Variants in GFRAL observed in about 807,000 individuals in gnomAD.
GFRAL encodes GDNF family receptor alpha like.
Under a neutral mutation model 45.4 loss-of-function variants are expected in GFRAL, and 36 were observed. The observed-to-expected ratio is 0.79, with a 90% confidence interval of 0.61 to 1.05. The LOEUF (loss-of-function observed/expected upper bound fraction) is 1.05. GFRAL is among the 50% of genes least tolerant of loss of function. The probability of loss-of-function intolerance (pLI) is 0.00; values close to 1 mark genes in which losing one functional copy is unlikely to be tolerated. For missense variants in GFRAL, 507 were observed against 467.5 expected, an observed-to-expected ratio of 1.08 and a Z score of -0.78; for synonymous variants, 166 against 154.1, an observed-to-expected ratio of 1.08 and a Z score of -0.57.
chr6:55,345,291 C>G (rs1346869131), intron 3 of GFRAL, among the ~76,000 whole-genome samples: 2 of 152,186 alleles, frequency 1.3e-5, no homozygotes, highest in Non-Finnish European at 2.9e-5. Flanking sequence ...TGACTTCAAA[C>G]TATACTACAA....
intron 5 of GFRAL, among the ~76,000 whole-genome samples, chr6:55,357,463 T>C (rs977557427): frequency 6.6e-6 from 1 of 151,836 alleles, no homozygotes; most frequent in Non-Finnish European, 1.5e-5. Flanking sequence ...CTATTTTGTC[T>C]AATTAAAGTA....
At chr6:55,387,903 T>A (rs560342720) in intron 6 of GFRAL, among the ~76,000 whole-genome samples, 4 of 152,308 alleles carry the variant, frequency 2.6e-5, no homozygotes, top group African/African-American at 9.6e-5. Context: ...TTGGAAAGCA[T>A]TTATTTAGGG....
chr6:55,367,013 G>A (rs1375172015), intron 6 of GFRAL, among the ~76,000 whole-genome samples: 1 of 46,690 alleles, frequency 2.1e-5, no homozygotes, highest in African/African-American at 1.3e-4. Context: ...TTTCTGTCTC[G>A]TTGATCTGTC....
intron 5 of GFRAL, among the ~76,000 whole-genome samples, chr6:55,356,554 A>G (rs72972834): frequency 0.15 from 21,991 of 151,616 alleles, 1,679 homozygotes; most frequent in African/African-American, 0.17. Context: ...CATTTGTAAT[A>G]TTTCCTTTTT....
intron 6 of GFRAL, among the ~76,000 whole-genome samples, chr6:55,369,070 A>T (rs1481806807): frequency 6.6e-6 from 1 of 150,942 alleles, no homozygotes; most frequent in Non-Finnish European, 1.5e-5. Flanking sequence ...TTGATCTCAG[A>T]CTGCTGTGCT....
At chr6:55,341,622 C>G (rs1477363553) in intron 3 of GFRAL, among the ~76,000 whole-genome samples, 1 of 152,126 alleles carries the variant, frequency 6.6e-6, no homozygotes, top group Admixed American at 6.5e-5. Flanking sequence ...GCAACTCTCC[C>G]CCTCCAAAGG....
At chr6:55,375,833 T>G (rs930326489) in intron 6 of GFRAL, among the ~76,000 whole-genome samples, 1 of 152,118 alleles carries the variant, frequency 6.6e-6, no homozygotes, top group Non-Finnish European at 1.5e-5. Context: ...TCTTTTCCTA[T>G]CTGAATACCC....
At chr6:55,367,801 C>T (rs565920106) in intron 6 of GFRAL, among the ~76,000 whole-genome samples, 3 of 152,218 alleles carry the variant, frequency 2.0e-5, no homozygotes, top group Admixed American at 2.0e-4. Context: ...GGGTTTCTGC[C>T]AAGAGATCCG....
chr6:55,329,183 T>C (rs560730421), intron 1 of GFRAL, among the ~76,000 whole-genome samples: 2 of 152,188 alleles, frequency 1.3e-5, no homozygotes, highest in South Asian at 2.1e-4. Flanking sequence ...TTGATTCTTG[T>C]GGACCAAATC....
At chr6:55,357,076 T>C (rs566504138) in intron 5 of GFRAL, among the ~76,000 whole-genome samples, 5 of 152,048 alleles carry the variant, frequency 3.3e-5, no homozygotes, top group African/African-American at 9.6e-5. Flanking sequence ...GATTTCAAGT[T>C]TTTGAAAATT....
intron 6 of GFRAL, among the ~76,000 whole-genome samples, chr6:55,385,580 C>G (rs2127364198): frequency 6.6e-6 from 1 of 152,056 alleles, no homozygotes; most frequent in Admixed American, 6.6e-5. Flanking sequence ...ACAATAGAGC[C>G]AGAATTTAAA....
intron 6 of GFRAL, among the ~76,000 whole-genome samples, chr6:55,398,312 C>T (rs77333030): frequency 2.6e-4 from 39 of 152,116 alleles, no homozygotes; most frequent in Non-Finnish European, 5.0e-4. Flanking sequence ...AACAGAAGAC[C>T]GCAACCTCTC....
chr6:55,345,655 T>G (rs1768031012), intron 3 of GFRAL, among the ~76,000 whole-genome samples: 1 of 152,060 alleles, frequency 6.6e-6, no homozygotes. Context: ...ATGTCTAAAA[T>G]ACCAAAAACA....
intron 6 of GFRAL, among the ~76,000 whole-genome samples, chr6:55,395,173 A>ATATATATATATATATAT (rs35935725): frequency 6.8e-5 from 7 of 103,562 alleles, no homozygotes; most frequent in African/African-American, 3.0e-4. Context: ...AAAAAAAAAA[A>ATATATATATATATATAT]AAATATATAT....
chr6:55,377,063 A>G (rs978999219), intron 6 of GFRAL, among the ~76,000 whole-genome samples: 8 of 152,026 alleles, frequency 5.3e-5, no homozygotes, highest in African/African-American at 1.9e-4. Flanking sequence ...AGAGTGAGCC[A>G]TTCATACTAT....
intron 6 of GFRAL, among the ~76,000 whole-genome samples, chr6:55,374,756 T>G (rs1053237149): frequency 1.3e-5 from 2 of 152,160 alleles, no homozygotes; most frequent in Non-Finnish European, 2.9e-5. Context: ...TTCATAGTTT[T>G]GGGTTTTACA....
intron 6 of GFRAL, among the ~76,000 whole-genome samples, chr6:55,387,002 T>C (rs1768688711): frequency 6.6e-6 from 1 of 152,174 alleles, no homozygotes; most frequent in African/African-American, 2.4e-5. Context: ...AACTCTACTC[T>C]AAAGGCATAG....
chr6:55,399,901 A>C (rs1400630640), intron 8 of GFRAL, among the ~76,000 whole-genome samples: 1 of 152,154 alleles, frequency 6.6e-6, no homozygotes, highest in African/African-American at 2.4e-5. Context: ...TTAATAGGCA[A>C]TTATTGAAAA....
At chr6:55,370,256 A>T (rs978845400) in intron 6 of GFRAL, among the ~76,000 whole-genome samples, 1 of 152,074 alleles carries the variant, frequency 6.6e-6, no homozygotes, top group African/African-American at 2.4e-5. Flanking sequence ...TCAACATCAC[A>T]TTCTTTTCTT....
Sources: gnomAD v4.1 joint callset for allele counts (sites outside exome capture counted in the v4.1 genomes callset) on GRCh38, gnomAD v4.1.1 for gene constraint, MANE v1.5 for transcripts, NCBI Gene and HGNC (gene_info 2026-07-23, HGNC 2026-07-21) for gene names.